ANK3: variants seen among roughly 807,000 people sequenced by gnomAD.
ANK3 encodes ankyrin-3.
Under a neutral mutation model 370.9 loss-of-function variants are expected in ANK3, and 57 were observed. That is an observed-to-expected ratio of 0.15 (90% confidence interval 0.12 to 0.19). The LOEUF is 0.19. Ranked by LOEUF, ANK3 falls within the 10% of genes least tolerant of loss-of-function variation. The pLI is 1.00. For missense variants in ANK3, 4,439 were observed against 5,302.1 expected, an observed-to-expected ratio of 0.84 and a Z score of 5.06; for synonymous variants, 1,929 against 1,946.3, an observed-to-expected ratio of 0.99 and a Z score of 0.23.
chr10:60,671,560 G>GT (rs879815372), intron 1 of ANK3, among the ~76,000 whole-genome samples: 1 of 152,204 alleles, frequency 6.6e-6, no homozygotes, highest in Non-Finnish European at 1.5e-5. Flanking sequence ...GTGTATATAT[G>GT]TAAGTGTTCC....
chr10:60,055,873 T>C lies in ANK3; in HGVS notation c.12850A>G (p.Lys4284Glu). The change falls in exon 42 of 44, where the codon AAA becomes GAA. Residue 4284 changes from lysine to glutamate, a missense_variant. This residue lies in a region of ANK3 where 242 missense variants were observed against 228.0 expected (regional missense o/e 1.06). Transcript: ENST00000280772. ...TGACCAGATCCATGTATTTTTGGTT[T>C]CAGAGTTTCCTTGGTACTCTGTTTT... ...VGKQSTKETL[K>E]PKIHGSGHVE... 8 of 1,614,218 alleles carry C rather than the reference T, an allele frequency of 5.0e-6. No homozygotes were observed. Among genetic ancestry groups the C allele is most frequent in the Non-Finnish European group, 6.8e-6 (8 of 1,180,038 alleles).
At chr10:60,465,257 T>G (rs1249993225) in intron 2 of ANK3, among the ~76,000 whole-genome samples, 3 of 134,394 alleles carry the variant, frequency 2.2e-5, no homozygotes, top group African/African-American at 5.7e-5. Flanking sequence ...GAGTGAGACC[T>G]AGTCACCAAA....
chr10:60,407,059 T>C (rs932591425), intron 2 of ANK3, among the ~76,000 whole-genome samples: 10 of 152,212 alleles, frequency 6.6e-5, no homozygotes, highest in Non-Finnish European at 1.3e-4. Context: ...AACTTTCAGA[T>C]AGAAATTCAT....
At position 60,250,654 on chromosome 10, in the gene ANK3, C is replaced by T. The variant is rs574837452; in HGVS notation, c.798+11205G>A. On this transcript the variant is annotated intron_variant, in intron 7 of 43. Coordinates refer to ENST00000280772, the MANE Select transcript of ANK3 (RefSeq NM_020987.5). ...TTCTGGGATTACGGGCATGAGCCAC[C>T]GCACCCGGCCTGCTTTTATATTTTA... Among the ~76,000 whole-genome samples, 219 of 152,258 alleles carry T rather than the reference C, an allele frequency of 1.4e-3. 1 individual carries two copies. Among genetic ancestry groups the T allele is most frequent in the African/African-American group, 4.7e-3 (194 of 41,544 alleles).
chr10:60,439,281 A>G (rs565080372), intron 2 of ANK3, among the ~76,000 whole-genome samples: 1 of 152,300 alleles, frequency 6.6e-6, no homozygotes, highest in East Asian at 1.9e-4. Flanking sequence ...ACTGCTAGAG[A>G]AGGGAATATC....
At chr10:60,638,831 C>A (rs1346244641) in intron 1 of ANK3, among the ~76,000 whole-genome samples, 1 of 151,862 alleles carries the variant, frequency 6.6e-6, no homozygotes, top group Non-Finnish European at 1.5e-5. Context: ...ACACATTATC[C>A]TAAATAAAGC....
chr10:60,261,053 T>C (rs1420681361), intron 7 of ANK3, among the ~76,000 whole-genome samples: 1 of 152,198 alleles, frequency 6.6e-6, no homozygotes, highest in African/African-American at 2.4e-5. Flanking sequence ...GGAGAGGTGA[T>C]ATTTTATAAT....
chr10:60,130,745 T>C (rs1173988220), intron 25 of ANK3, among the ~76,000 whole-genome samples: 3 of 152,216 alleles, frequency 2.0e-5, no homozygotes. Context: ...AGCTTCTTCT[T>C]TGAGCAATTA....
At chr10:60,293,417 C>A (rs1487453916) in intron 1 of ANK3, among the ~76,000 whole-genome samples, 2 of 151,994 alleles carry the variant, frequency 1.3e-5, no homozygotes, top group Non-Finnish European at 2.9e-5. Flanking sequence ...TTGTATTGAA[C>A]AAAAAAATAC....
At chr10:60,697,160 C>T (rs1306836476) in intron 1 of ANK3, among the ~76,000 whole-genome samples, 2 of 151,646 alleles carry the variant, frequency 1.3e-5, no homozygotes, top group Non-Finnish European at 2.9e-5. Flanking sequence ...ACAGTTGCTT[C>T]AAAGAGAATA....
At position 60,088,377 on chromosome 10, in the gene ANK3, G is replaced by T. The variant is rs1487938312; in HGVS notation, c.3329-19C>A. On this transcript the variant is annotated intron_variant, in intron 28 of 43. Transcript: ENST00000280772. ...TCAAGTTCTGAAAAGACAAATGAAA[G>T]AAAATGCCATGAGAATAAGCATATC... 4 of 1,603,398 alleles carry T rather than the reference G, an allele frequency of 2.5e-6. No homozygotes were observed. The highest frequency in any genetic ancestry group is 3.3e-5 in the Admixed American group (2 of 59,830).
chr10:60,454,727 T>C (rs1047960609), intron 2 of ANK3, among the ~76,000 whole-genome samples: 2 of 152,124 alleles, frequency 1.3e-5, no homozygotes, highest in Non-Finnish European at 1.5e-5. Flanking sequence ...AAATAATTTA[T>C]CTCCTGACTT....
chr10:60,220,143 T>A lies in ANK3; in HGVS notation c.898-6633A>T, dbSNP rs551329732. Among the ~76,000 whole-genome samples, 12 of 152,234 alleles carry A rather than the reference T, an allele frequency of 7.9e-5. No homozygotes were observed. The South Asian group carries it at 2.5e-3, about 32-fold the overall frequency. On this transcript the variant is annotated intron_variant, in intron 8 of 43. Transcript: ENST00000280772. ...GGAGAAATAATATACAATAATCACA[T>A]CCACTTTCCACCACCTACACAAAAA...
At chr10:60,554,793 T>A (rs2077170939) in intron 2 of ANK3, among the ~76,000 whole-genome samples, 1 of 152,194 alleles carries the variant, frequency 6.6e-6, no homozygotes, top group Non-Finnish European at 1.5e-5. Context: ...ATATTTGTCA[T>A]CCTGATAATT....
chr10:60,340,797 G>T (rs1263628423), intron 1 of ANK3, among the ~76,000 whole-genome samples: 1 of 152,134 alleles, frequency 6.6e-6, no homozygotes, highest in East Asian at 1.9e-4. Flanking sequence ...TGAGCAGCCA[G>T]CATCAACTAA....
At chr10:60,663,077 C>CA (rs2078954863) in intron 1 of ANK3, among the ~76,000 whole-genome samples, 1 of 152,170 alleles carries the variant, frequency 6.6e-6, no homozygotes, top group African/African-American at 2.4e-5. Flanking sequence ...ACTCGCCTCA[C>CA]AAAATCAGTC....
intron 1 of ANK3, among the ~76,000 whole-genome samples, chr10:60,354,253 G>C (rs2057388249): frequency 6.6e-6 from 1 of 152,008 alleles, no homozygotes; most frequent in African/African-American, 2.4e-5. Flanking sequence ...AAACCTTTAA[G>C]TCTGAGTGCT....
At chr10:60,373,871 C>G (rs573655917) in intron 1 of ANK3, among the ~76,000 whole-genome samples, 1 of 152,222 alleles carries the variant, frequency 6.6e-6, no homozygotes, top group Admixed American at 6.5e-5. Context: ...TTACGCTAAC[C>G]CCAGATGAAC....
At chr10:60,550,063 C>T (rs149863853) in intron 2 of ANK3, among the ~76,000 whole-genome samples, 1,879 of 152,130 alleles carry the variant, frequency 0.012, 20 homozygotes, top group Middle Eastern at 0.02. Flanking sequence ...ACTGAAAGAA[C>T]AGACCTGTTC....
Sources: gnomAD v4.1 joint callset for allele counts (sites outside exome capture counted in the v4.1 genomes callset) on GRCh38, gnomAD v4.1.1 for gene constraint, gnomAD v4.1.1 regional missense constraint, MANE v1.5 for transcripts, NCBI Gene and HGNC (gene_info 2026-07-23, HGNC 2026-07-21) for gene names.